RFX3: variants seen among roughly 807,000 people sequenced by gnomAD.
The protein encoded by RFX3 is transcription factor RFX3.
A neutral mutation model predicts 98.6 loss-of-function variants in RFX3; 14 were observed. That is an observed-to-expected ratio of 0.14 (90% confidence interval 0.09 to 0.22). The LOEUF (loss-of-function observed/expected upper bound fraction) is 0.22, where lower values mean the gene tolerates loss of function less well. RFX3 is among the 10% of genes least tolerant of loss of function. The pLI is 1.00. For missense variants in RFX3, 639 were observed against 926.9 expected (o/e 0.69, Z 4.03); for synonymous variants, 383 against 328.4 (o/e 1.17, Z -1.80).
At chr9:3,518,809 T>G (rs570649636) in intron 1 of RFX3, among the ~76,000 whole-genome samples, 1 of 152,312 alleles carries the variant, frequency 6.6e-6, no homozygotes, top group Admixed American at 6.5e-5. Flanking sequence ...TGTTCCAAGG[T>G]TACTTTACAA....
chr9:3,503,489 G>C (rs1816275332), intron 1 of RFX3, among the ~76,000 whole-genome samples: 1 of 152,002 alleles, frequency 6.6e-6, no homozygotes. Flanking sequence ...ATTTCATAAT[G>C]GATGACAGGC....
intron 2 of RFX3, among the ~76,000 whole-genome samples, chr9:3,359,607 A>G (rs568117271): frequency 5.0e-4 from 76 of 152,204 alleles, no homozygotes; most frequent in African/African-American, 1.7e-3. Flanking sequence ...AACATTTTTT[A>G]TATTTGTTGG....
At chr9:3,245,853 T>C (rs567860811) in intron 15 of RFX3, among the ~76,000 whole-genome samples, 2 of 152,178 alleles carry the variant, frequency 1.3e-5, no homozygotes, top group African/African-American at 2.4e-5. Flanking sequence ...ACTCCCACTA[T>C]GTACACAGGC....
intron 1 of RFX3, among the ~76,000 whole-genome samples, chr9:3,454,894 G>C (rs1302690824): frequency 1.3e-5 from 2 of 152,120 alleles, no homozygotes; most frequent in African/African-American, 2.4e-5. Context: ...AGGCCACTAA[G>C]CTACGAATGG....
At chr9:3,316,507 T>C (rs1031388701) in intron 4 of RFX3, among the ~76,000 whole-genome samples, 3 of 152,182 alleles carry the variant, frequency 2.0e-5, no homozygotes, top group East Asian at 1.9e-4. Context: ...TTCAACATAG[T>C]GTTGGAAGTT....
At chr9:3,331,281 A>T (rs982954728) in intron 3 of RFX3, among the ~76,000 whole-genome samples, 3 of 152,140 alleles carry the variant, frequency 2.0e-5, no homozygotes, top group Non-Finnish European at 4.4e-5. Context: ...CTATAGTATG[A>T]CACTGTTGGC....
chr9:3,425,177 G>T (rs1282828153), intron 1 of RFX3, among the ~76,000 whole-genome samples: 3 of 152,198 alleles, frequency 2.0e-5, no homozygotes, highest in Admixed American at 1.3e-4. Flanking sequence ...GGCAGAGGTT[G>T]AGTGAGCCAT....
At chr9:3,257,330 A>C (rs1822267541) in intron 13 of RFX3, 131 bp from the exon 14 acceptor site, 1 of 706,778 alleles carries the variant, frequency 1.4e-6, no homozygotes, top group African/African-American at 1.8e-5. Context: ...AATCCAGAAA[A>C]TAAAAAACTA....
chr9:3,447,153 T>C (rs1434295997), intron 1 of RFX3, among the ~76,000 whole-genome samples: 1 of 152,140 alleles, frequency 6.6e-6, no homozygotes, highest in Non-Finnish European at 1.5e-5. Flanking sequence ...TGCTGCCTCA[T>C]TATAGCAATA....
intron 1 of RFX3, among the ~76,000 whole-genome samples, chr9:3,467,153 A>ATGTATATACATATATAT (rs1587770373): frequency 8.3e-6 from 1 of 120,650 alleles, no homozygotes; most frequent in Non-Finnish European, 1.7e-5. Context: ...TACATAATAT[A>ATGTATATACATATATAT]TATGTATATA....
At chr9:3,283,311 T>G (rs1473363250) in intron 7 of RFX3, among the ~76,000 whole-genome samples, 1 of 151,890 alleles carries the variant, frequency 6.6e-6, no homozygotes, top group Admixed American at 6.6e-5. Flanking sequence ...TATCTAACAC[T>G]TTAACACTTC....
intron 4 of RFX3, among the ~76,000 whole-genome samples, chr9:3,327,971 G>A (rs952387308): frequency 6.6e-6 from 1 of 152,094 alleles, no homozygotes; most frequent in Admixed American, 6.6e-5. Flanking sequence ...TAAACAATTT[G>A]GTTAATTTAG....
At chr9:3,482,682 C>T (rs1487108741) in intron 1 of RFX3, among the ~76,000 whole-genome samples, 1 of 152,008 alleles carries the variant, frequency 6.6e-6, no homozygotes, top group Non-Finnish European at 1.5e-5. Flanking sequence ...ATCATAAAAC[C>T]CTCATAGTTG....
At chr9:3,254,614 T>A (rs186223499) in intron 14 of RFX3, among the ~76,000 whole-genome samples, 1 of 151,956 alleles carries the variant, frequency 6.6e-6, no homozygotes, top group South Asian at 2.1e-4. Flanking sequence ...CTCTGCTCAC[T>A]GCAAGCTCCA....
intron 2 of RFX3, among the ~76,000 whole-genome samples, chr9:3,358,165 A>G (rs1215858549): frequency 6.6e-6 from 1 of 152,150 alleles, no homozygotes; most frequent in Non-Finnish European, 1.5e-5. Flanking sequence ...ATGATATCTA[A>G]TCTATCAAAA....
rs1564185977 is a variant in RFX3 at position 3,504,951 on chromosome 9, T to TATATTATATATAATATATATAATATA, written c.-9+20795_-9+20796insTATATTATATATATTATATATAATAT. Among the ~76,000 whole-genome samples, 63 of 59,660 alleles carry TATATTATATATAATATATATAATATA rather than the reference T, an allele frequency of 1.1e-3. 1 individual carries two copies. The highest frequency in any genetic ancestry group is 5.7e-3 in the African/African-American group (62 of 10,888). 39.1% of individuals were successfully genotyped at this position (59,660 alleles called of 152,430 possible). A position where few individuals can be genotyped will look rare whatever the true frequency, so the allele number is the denominator to read the frequency against. On this transcript the variant is annotated intron_variant, in intron 1 of 16. Coordinates refer to ENST00000617270, the MANE Select transcript of RFX3 (RefSeq NM_001282116.2). ...ATTATATATAATATATATAATATAATATATATTATATATAATATATATTAT... is the reference window on the plus strand; with the variant it reads ...ATTATATATAATATATATAATATAATATATTATATATAATATATATAATATAATATATTATATATAATATATATTAT...
At chr9:3,511,036 C>A (rs1418053442) in intron 1 of RFX3, among the ~76,000 whole-genome samples, 1 of 151,858 alleles carries the variant, frequency 6.6e-6, no homozygotes, top group Non-Finnish European at 1.5e-5. Context: ...TGACTCTGTA[C>A]AGAAATATTT....
chr9:3,406,487 T>A (rs563013862), intron 1 of RFX3, among the ~76,000 whole-genome samples: 1 of 151,988 alleles, frequency 6.6e-6, no homozygotes, highest in Non-Finnish European at 1.5e-5. Flanking sequence ...ACAGCAATTA[T>A]CACATCTATA....
chr9:3,410,278 GT>G (rs951086887), intron 1 of RFX3, among the ~76,000 whole-genome samples: 3 of 148,272 alleles, frequency 2.0e-5, no homozygotes, highest in Non-Finnish European at 4.5e-5. Context: ...TTGCCAACTT[GT>G]TTTTCTCTAT....
Sources: gnomAD v4.1 joint callset for allele counts (sites outside exome capture counted in the v4.1 genomes callset) on GRCh38, gnomAD v4.1.1 for gene constraint, MANE v1.5 for transcripts, NCBI Gene and HGNC (gene_info 2026-07-23, HGNC 2026-07-21) for gene names.